TMEFF1: variants seen among roughly 807,000 people sequenced by gnomAD.
TMEFF1 encodes the protein tomoregulin-1.
In TMEFF1, 20 loss-of-function variants were observed where a neutral mutation model predicts 47.5. That is an observed-to-expected ratio of 0.42 (90% CI 0.30 to 0.61). The LOEUF is 0.61. Among genes scored for constraint, TMEFF1 ranks in the 20% least tolerant of loss-of-function variants. The pLI is 0.19. For synonymous variants in TMEFF1, 162 were observed against 166.3 expected, an observed-to-expected ratio of 0.97 and a Z score of 0.20; for missense variants, 411 against 471.1, an observed-to-expected ratio of 0.87 and a Z score of 1.18.
intron 5 of TMEFF1, among the ~76,000 whole-genome samples, chr9:100,528,553 A>C (rs1195028982): frequency 7.0e-6 from 1 of 143,678 alleles, no homozygotes; most frequent in East Asian, 2.0e-4. Context: ...AAAGAATAAA[A>C]AGAAATGAGC....
chr9:100,520,217 C>T (rs571108562), intron 5 of TMEFF1, among the ~76,000 whole-genome samples: 22 of 152,230 alleles, frequency 1.4e-4, no homozygotes, highest in African/African-American at 4.8e-4. Flanking sequence ...AAGGCCAAGG[C>T]AGGAGGATTG....
intron 8 of TMEFF1, among the ~76,000 whole-genome samples, chr9:100,571,904 C>A (rs1839246106): frequency 6.6e-6 from 1 of 152,128 alleles, no homozygotes. Context: ...GCGCAGCTCA[C>A]AATAGGGTTT....
Position 100,577,523 on chromosome 9 carries a change from C to G in TMEFF1, c.*923C>G, listed in dbSNP as rs1043556015. ...GAGTAGAATGTATTCAGCTGTTTAA[C>G]ATGTAGTTTAGATATTCAAAAGTAT... On this transcript the variant is annotated 3_prime_UTR_variant, in exon 10 of 10. Transcript: ENST00000374879. 1 of 152,304 alleles carries G rather than the reference C, an allele frequency of 6.6e-6. No individual in the cohort carries two copies. The highest frequency in any genetic ancestry group is 1.5e-5 in the Non-Finnish European group (1 of 68,038). The allele number at this position is 152,304 out of a possible 1,614,324, so 9.4% of individuals were successfully genotyped here.
chr9:100,523,690 A>C (rs762236461), intron 5 of TMEFF1, among the ~76,000 whole-genome samples: 2 of 152,206 alleles, frequency 1.3e-5, no homozygotes, highest in East Asian at 1.9e-4. Flanking sequence ...TAAACTTACT[A>C]TATTGAGAAG....
chr9:100,515,763 T>C (rs930946460), intron 4 of TMEFF1, among the ~76,000 whole-genome samples: 1 of 151,918 alleles, frequency 6.6e-6, no homozygotes, highest in Non-Finnish European at 1.5e-5. Flanking sequence ...CAGGCTGAGA[T>C]TGCGCCACTG....
intron 5 of TMEFF1, among the ~76,000 whole-genome samples, chr9:100,523,353 G>C (rs925207229): frequency 6.6e-6 from 1 of 152,032 alleles, no homozygotes; most frequent in Non-Finnish European, 1.5e-5. Flanking sequence ...TCCCTCCTTG[G>C]TCTTGAAAAA....
intron 5 of TMEFF1, among the ~76,000 whole-genome samples, chr9:100,535,265 T>C (rs955697821): frequency 1.3e-5 from 2 of 152,232 alleles, no homozygotes; most frequent in Non-Finnish European, 2.9e-5. Context: ...TTCACCTTTG[T>C]GTTTTCTACC....
rs114944410 is a variant in TMEFF1, at chr9:100,552,345, A to G, written c.775+2185A>G. ...GTCAAAAGGAATAGACATCTTAGAT[A>G]TGAGAGATAGAGAGTTAAAAATGAC... On this transcript the variant is annotated intron_variant, in intron 7 of 9. Coordinates refer to ENST00000374879, the MANE Select transcript of TMEFF1 (RefSeq NM_003692.5). 3.9e-3 allele frequency among the ~76,000 whole-genome samples: 598 copies of G among 152,342 alleles called. 5 individuals carry two copies. The highest frequency in any genetic ancestry group is 0.014 in the African/African-American group (565 of 41,586).
intron 7 of TMEFF1, among the ~76,000 whole-genome samples, chr9:100,556,509 G>A (rs1198184162): frequency 6.6e-6 from 1 of 152,132 alleles, no homozygotes; most frequent in African/African-American, 2.4e-5. Context: ...TAAAGGATTG[G>A]TTAATAGAGG....
rs373422046 is a variant in TMEFF1, at chr9:100,498,849, G to T, written c.281G>T (p.Gly94Val). The T allele has an allele frequency of 1.9e-6, 3 of 1,613,682 alleles. No homozygotes were observed. Among genetic ancestry groups the T allele is most frequent in the African/African-American group, 2.7e-5 (2 of 74,900 alleles). The change falls in exon 2 of 10, where the codon GGT becomes GTT. Residue 94 changes from glycine to valine, a missense_variant. Gly to Val is a moderately radical substitution (Grantham distance 109). Transcript: ENST00000374879. ...GGAGTCTGTAAAGAAGATGGAGATG[G>T]TTTGAAATGTGCATGCCAATTTCAG... is the stretch of plus-strand genomic sequence containing the variant. ...YGGVCKEDGD[G>V]LKCACQFQCH...
intron 1 of TMEFF1, among the ~76,000 whole-genome samples, chr9:100,491,972 T>G (rs1172624295): frequency 2.6e-5 from 4 of 151,700 alleles, no homozygotes; most frequent in African/African-American, 9.7e-5. Flanking sequence ...CTCTGCCTCC[T>G]GGGTCGCAGT....
chr9:100,575,424 A>G (rs1167414368), intron 9 of TMEFF1, among the ~76,000 whole-genome samples: 2 of 152,192 alleles, frequency 1.3e-5, no homozygotes, highest in Non-Finnish European at 2.9e-5. Flanking sequence ...AATTTTTCCA[A>G]GGTCATGGTG....
In TMEFF1 at chr9:100,551,034, A is replaced by G. The variant is rs1587851610; in HGVS notation, c.775+874A>G. Reference sequence around the variant, plus strand: ...GAAGATTGAGGATCAATGAGGTTGTATCTGGTTAACTGAAACAGGTCTATA... The same window carrying G: ...GAAGATTGAGGATCAATGAGGTTGTGTCTGGTTAACTGAAACAGGTCTATA... On this transcript the variant is annotated intron_variant, in intron 7 of 9. Coordinates refer to ENST00000374879, the MANE Select transcript of TMEFF1 (RefSeq NM_003692.5). Among the ~76,000 whole-genome samples the G allele has an allele frequency of 3.3e-5, 5 of 152,386 alleles. 1 individual carries two copies. The highest frequency in any genetic ancestry group is 3.3e-4 in the Admixed American group (5 of 15,306).
chr9:100,517,839 A>G (rs1001031155), intron 5 of TMEFF1, among the ~76,000 whole-genome samples: 1 of 152,230 alleles, frequency 6.6e-6, no homozygotes, highest in Non-Finnish European at 1.5e-5. Context: ...AGCAATATGG[A>G]CTTACAGAGA....
intron 5 of TMEFF1, among the ~76,000 whole-genome samples, chr9:100,522,430 CTTTT>C (rs869111876): frequency 8.6e-5 from 6 of 69,640 alleles, no homozygotes; most frequent in African/African-American, 2.8e-4. Flanking sequence ...GAAATATCTT[CTTTT>C]TTTTTTTTTT....
chr9:100,544,116 G>A (rs1838689503), intron 5 of TMEFF1, among the ~76,000 whole-genome samples: 2 of 149,608 alleles, frequency 1.3e-5, no homozygotes, highest in South Asian at 4.2e-4. Flanking sequence ...AACTTTTTTA[G>A]GGTCTCCAGA....
At chr9:100,495,059 T>G (rs536098905) in intron 1 of TMEFF1, among the ~76,000 whole-genome samples, 2 of 152,292 alleles carry the variant, frequency 1.3e-5, no homozygotes, top group South Asian at 4.2e-4. Flanking sequence ...GATTTTTTTT[T>G]CGTTTGCAAA....
At chr9:100,489,598 TGAA>T (rs1837513534) in intron 1 of TMEFF1, among the ~76,000 whole-genome samples, 1 of 152,342 alleles carries the variant, frequency 6.6e-6, no homozygotes, top group African/African-American at 2.4e-5. Context: ...TACAGAATAA[TGAA>T]GAAAGCTTAA....
intron 7 of TMEFF1, among the ~76,000 whole-genome samples, chr9:100,560,587 A>G (rs1383836486): frequency 1.3e-5 from 2 of 152,152 alleles, no homozygotes; most frequent in Non-Finnish European, 2.9e-5. Context: ...TGAATGAGTG[A>G]ATGAATCTGA....
Sources: allele counts gnomAD v4.1 joint callset (sites outside exome capture counted in the v4.1 genomes callset), GRCh38; gene constraint gnomAD v4.1.1; transcripts MANE v1.5; gene names NCBI Gene and HGNC (gene_info 2026-07-23, HGNC 2026-07-21).